RALGPS1: variants seen among roughly 807,000 people sequenced by gnomAD.
RALGPS1 encodes the protein ras-specific guanine nucleotide-releasing factor RalGPS1.
Under a neutral mutation model 78.8 loss-of-function variants are expected in RALGPS1, and 19 were observed. That is an observed-to-expected ratio of 0.24 (90% CI 0.17 to 0.35). The LOEUF is 0.35. Ranked by LOEUF, RALGPS1 falls within the 10% of genes least tolerant of loss-of-function variation. RALGPS1 has a pLI of 1.00. For missense variants in RALGPS1, 454 were observed against 688.3 expected, an observed-to-expected ratio of 0.66 and a Z score of 3.81; for synonymous variants, 228 against 256.3, an observed-to-expected ratio of 0.89 and a Z score of 1.06.
intron 1 of RALGPS1, among the ~76,000 whole-genome samples, chr9:126,957,674 C>T (rs1440455567): frequency 6.6e-6 from 1 of 152,142 alleles, no homozygotes; most frequent in African/African-American, 2.4e-5. Flanking sequence ...CTTTTAGTCT[C>T]AGTTTTTGGT....
At chr9:127,071,072 A>G (rs897788874) in intron 8 of RALGPS1, among the ~76,000 whole-genome samples, 18 of 150,388 alleles carry the variant, frequency 1.2e-4, no homozygotes, top group Non-Finnish European at 2.2e-4. Context: ...TAAAGCAAGT[A>G]TAACTAAAAA....
intron 1 of RALGPS1, among the ~76,000 whole-genome samples, chr9:126,916,354 G>A (rs2119420339): frequency 6.6e-6 from 1 of 152,332 alleles, no homozygotes; most frequent in South Asian, 2.1e-4. Context: ...GTGGCAAGTG[G>A]AAGCAGCAGA....
chr9:127,060,686 G>A (rs997311215), intron 7 of RALGPS1, among the ~76,000 whole-genome samples: 29 of 152,004 alleles, frequency 1.9e-4, no homozygotes, highest in African/African-American at 7.0e-4. Context: ...CTGTCTCTGG[G>A]CCACCCTCAC....
chr9:126,996,763 C>A (rs1401820207), intron 4 of RALGPS1, among the ~76,000 whole-genome samples: 1 of 151,148 alleles, frequency 6.6e-6, no homozygotes, highest in Non-Finnish European at 1.5e-5. Context: ...CCTTGATGAA[C>A]ATTGATGCAA....
chr9:126,925,776 G>A (rs550027237), intron 1 of RALGPS1, among the ~76,000 whole-genome samples: 3 of 152,280 alleles, frequency 2.0e-5, no homozygotes, highest in African/African-American at 7.2e-5. Context: ...TACATTTAAT[G>A]GCTTTCCTGC....
intron 4 of RALGPS1, among the ~76,000 whole-genome samples, chr9:127,008,927 A>C (rs2044102048): frequency 6.6e-6 from 1 of 152,130 alleles, no homozygotes; most frequent in South Asian, 2.1e-4. Context: ...CATCACTCAG[A>C]TGTCTCTCTG....
chr9:127,009,076 A>G (rs188667725), intron 4 of RALGPS1, among the ~76,000 whole-genome samples: 87 of 152,340 alleles, frequency 5.7e-4, no homozygotes, highest in African/African-American at 2.0e-3. Flanking sequence ...CACCACAGTG[A>G]TGTGGAGATA....
Position 127,132,178 on chromosome 9 carries a change from C to CT in RALGPS1, c.611-33888dup, listed in dbSNP as rs570318417. 4.6e-5 allele frequency among the ~76,000 whole-genome samples: 7 copies of CT among 152,240 alleles called. No individual in the cohort carries two copies. The South Asian group carries it at 1.5e-3, about 32-fold the overall frequency. On this transcript the variant is annotated intron_variant, in intron 8 of 18. Transcript: ENST00000259351. Reference sequence around the variant, plus strand: ...TTTCCTGGGAGCTGGCTGTCTTGCCCTTTCACTCTTCTGAGTGTCATTGAC... The same window carrying CT: ...TTTCCTGGGAGCTGGCTGTCTTGCCCTTTTCACTCTTCTGAGTGTCATTGAC...
intron 5 of RALGPS1, among the ~76,000 whole-genome samples, chr9:127,042,067 T>G (rs2047366695): frequency 6.6e-6 from 1 of 152,246 alleles, no homozygotes; most frequent in South Asian, 2.1e-4. Flanking sequence ...AGATTTTTCA[T>G]AAGAAATAGT....
At chr9:127,097,652 A>G (rs2053281781) in intron 8 of RALGPS1, among the ~76,000 whole-genome samples, 1 of 152,262 alleles carries the variant, frequency 6.6e-6, no homozygotes, top group African/African-American at 2.4e-5. Flanking sequence ...GAGACAAAAC[A>G]TCCTACTTTG....
chr9:127,059,451 A>G (rs1306289699), intron 7 of RALGPS1, among the ~76,000 whole-genome samples: 1 of 152,180 alleles, frequency 6.6e-6, no homozygotes, highest in Non-Finnish European at 1.5e-5. Context: ...CTTCCTTGAC[A>G]TTGCTACAAC....
At chr9:127,095,585 G>A (rs983786653) in intron 8 of RALGPS1, among the ~76,000 whole-genome samples, 5 of 152,194 alleles carry the variant, frequency 3.3e-5, no homozygotes, top group South Asian at 2.1e-4. Flanking sequence ...CCGCTCTGAC[G>A]CCCTGCAAGG....
chr9:127,060,509 C>CTGTTGTTGTTGT (rs35010607), intron 7 of RALGPS1, among the ~76,000 whole-genome samples: 30 of 150,874 alleles, frequency 2.0e-4, no homozygotes, highest in Admixed American at 1.8e-3. Context: ...TAAGTATTAC[C>CTGTTGTTGTTGT]TGTTGTTGTT....
intron 1 of RALGPS1, among the ~76,000 whole-genome samples, chr9:126,927,768 G>A (rs1321178135): frequency 2.6e-5 from 4 of 152,180 alleles, no homozygotes; most frequent in African/African-American, 4.8e-5. Context: ...AACATTGTGA[G>A]GTTCAGGATG....
At chr9:126,955,229 C>G (rs950397649) in intron 1 of RALGPS1, among the ~76,000 whole-genome samples, 1 of 152,178 alleles carries the variant, frequency 6.6e-6, no homozygotes, top group Non-Finnish European at 1.5e-5. Context: ...ATATAAGTTC[C>G]GTGGCAGCAG....
intron 8 of RALGPS1, among the ~76,000 whole-genome samples, chr9:127,135,877 A>G (rs1012505309): frequency 2.0e-5 from 3 of 152,206 alleles, no homozygotes; most frequent in Admixed American, 2.0e-4. Flanking sequence ...CAAGTTTTCA[A>G]ATAAAGAGAA....
At chr9:126,989,025 G>A (rs955453703) in intron 4 of RALGPS1, among the ~76,000 whole-genome samples, 2 of 152,172 alleles carry the variant, frequency 1.3e-5, no homozygotes, top group Non-Finnish European at 2.9e-5. Flanking sequence ...CTTGAGCCTA[G>A]GAGTTTGAGG....
At chr9:126,927,751 C>G (rs1304941924) in intron 1 of RALGPS1, among the ~76,000 whole-genome samples, 2 of 152,196 alleles carry the variant, frequency 1.3e-5, no homozygotes, top group Admixed American at 6.5e-5. Context: ...TGCGCCCTCC[C>G]CCATCTAACA....
chr9:127,038,839 T>C (rs527277087), intron 5 of RALGPS1, among the ~76,000 whole-genome samples: 4 of 152,172 alleles, frequency 2.6e-5, no homozygotes, highest in Non-Finnish European at 4.4e-5. Flanking sequence ...AGCTGTAAAC[T>C]GGCTGGGCAC....
Sources: gnomAD v4.1 joint callset for allele counts (sites outside exome capture counted in the v4.1 genomes callset) on GRCh38, gnomAD v4.1.1 for gene constraint, MANE v1.5 for transcripts, NCBI Gene and HGNC (gene_info 2026-07-23, HGNC 2026-07-21) for gene names.